The following CMSS1 variants were observed in gnomAD, a reference collection of about 807,000 sequenced individuals.
The protein encoded by CMSS1 is cms1 ribosomal small subunit homolog.
A neutral mutation model predicts 43.5 loss-of-function variants in CMSS1; 33 were observed. The observed-to-expected ratio is 0.76, with a 90% CI of 0.57 to 1.01. CMSS1 has a LOEUF of 1.01. Among genes scored for constraint, CMSS1 ranks in the 50% least tolerant of loss-of-function variants. The probability of loss-of-function intolerance (pLI) is 0.00; values close to 1 mark genes in which losing one functional copy is unlikely to be tolerated. For missense variants in CMSS1, 313 were observed against 326.4 expected (o/e 0.96, Z 0.32); for synonymous variants, 115 against 117.2 (o/e 0.98, Z 0.12).
chr3:100,000,196 T>C (rs187072617), intron 1 of CMSS1, among the ~76,000 whole-genome samples: 121 of 152,328 alleles, frequency 7.9e-4, no homozygotes, highest in Non-Finnish European at 3.1e-4. Flanking sequence ...CTTCTGATCC[T>C]TCAGGTCTCT....
At chr3:100,029,070 G>A (rs1300299665) in intron 1 of CMSS1, among the ~76,000 whole-genome samples, 2 of 152,012 alleles carry the variant, frequency 1.3e-5, no homozygotes, top group African/African-American at 4.8e-5. Flanking sequence ...CATGCCTATT[G>A]TCCCAAGCTA....
chr3:99,990,090 A>G (rs1709468256), intron 1 of CMSS1, among the ~76,000 whole-genome samples: 1 of 152,196 alleles, frequency 6.6e-6, no homozygotes, highest in Non-Finnish European at 1.5e-5. Flanking sequence ...TGTTTGAGAA[A>G]GAGAAATATA....
intron 1 of CMSS1, among the ~76,000 whole-genome samples, chr3:100,111,898 G>A (rs2066497183): frequency 6.6e-6 from 1 of 152,142 alleles, no homozygotes; most frequent in African/African-American, 2.4e-5. Context: ...CCATATCTAT[G>A]TTGAACAACA....
intron 6 of CMSS1, 103 bp from the exon 7 acceptor site, chr3:100,171,734 CGT>C: frequency 1.1e-6 from 1 of 877,436 alleles, no homozygotes; most frequent in East Asian, 2.5e-5. Context: ...TATATACACA[CGT>C]ATGCACACAT....
intron 1 of CMSS1, among the ~76,000 whole-genome samples, chr3:99,855,648 A>C (rs1943925255): frequency 6.6e-6 from 1 of 152,244 alleles, no homozygotes; most frequent in South Asian, 2.1e-4. Flanking sequence ...GAACACTCTG[A>C]ATGGAGAACT....
intron 1 of CMSS1, among the ~76,000 whole-genome samples, chr3:99,906,992 T>G (rs570741245): frequency 3.2e-4 from 49 of 152,336 alleles, no homozygotes; most frequent in African/African-American, 1.2e-3. Flanking sequence ...AATATTTAAG[T>G]TTATTTAAAT....
intron 1 of CMSS1, among the ~76,000 whole-genome samples, chr3:99,947,668 C>A (rs1368313947): frequency 1.3e-5 from 2 of 152,194 alleles, no homozygotes; most frequent in Non-Finnish European, 2.9e-5. Flanking sequence ...ATTATTCTAC[C>A]TCCCCTCTAA....
chr3:99,917,785 C>T (rs774166966), intron 1 of CMSS1, among the ~76,000 whole-genome samples: 5 of 152,120 alleles, frequency 3.3e-5, no homozygotes, highest in Non-Finnish European at 7.4e-5. Flanking sequence ...AATGGATGTA[C>T]AGATTTGGAT....
intron 8 of CMSS1, among the ~76,000 whole-genome samples, chr3:100,175,867 C>T (rs2067143931): frequency 6.6e-6 from 1 of 152,192 alleles, no homozygotes. Flanking sequence ...CTATTCATCT[C>T]AACTTCCTTT....
At chr3:99,904,357 A>G (rs1490943464) in intron 1 of CMSS1, among the ~76,000 whole-genome samples, 1 of 152,126 alleles carries the variant, frequency 6.6e-6, no homozygotes, top group Non-Finnish European at 1.5e-5. Flanking sequence ...ATTTGTAACC[A>G]TTTTCAGTAG....
At position 100,067,441 on chromosome 3, in the gene CMSS1, C is replaced by A. The variant is rs569165358; in HGVS notation, c.65-79532C>A. On this transcript the variant is annotated intron_variant, in intron 1 of 9. Transcript: ENST00000421999. ...TTTGGAATGTCTGTTGAATCCCTGG[C>A]TCCAATTATTCCCATTCCTCCATTA... Among the ~76,000 whole-genome samples, 7 of 152,270 alleles carry A rather than the reference C, an allele frequency of 4.6e-5. No homozygotes were observed. The South Asian group carries it at 1.4e-3, about 32-fold the overall frequency.
At chr3:99,869,450 A>C (rs990338522) in intron 1 of CMSS1, among the ~76,000 whole-genome samples, 4 of 152,228 alleles carry the variant, frequency 2.6e-5, no homozygotes, top group Non-Finnish European at 5.9e-5. Flanking sequence ...TGAGTGTTTG[A>C]AAAGTAGATA....
intron 1 of CMSS1, chr3:99,849,148 G>A: frequency 6.2e-7 from 1 of 1,614,172 alleles, no homozygotes; most frequent in Non-Finnish European, 8.5e-7. Context: ...GGACAGCACA[G>A]ATCCCTCATC....
chr3:99,890,857 A>G (rs987931758), intron 1 of CMSS1, among the ~76,000 whole-genome samples: 3 of 151,674 alleles, frequency 2.0e-5, no homozygotes, highest in Admixed American at 6.6e-5. Context: ...TATTTTCTGT[A>G]TGCTTTCAGA....
intron 1 of CMSS1, among the ~76,000 whole-genome samples, chr3:99,932,620 T>C (rs1707519096): frequency 6.6e-6 from 1 of 152,186 alleles, no homozygotes; most frequent in South Asian, 2.1e-4. Context: ...CCAGGCACAA[T>C]GGCTCACACC....
intron 1 of CMSS1, among the ~76,000 whole-genome samples, chr3:99,911,564 C>T (rs1339420127): frequency 6.6e-6 from 1 of 152,012 alleles, no homozygotes; most frequent in Non-Finnish European, 1.5e-5. Context: ...TACTCATCCT[C>T]ACCCGAGGCT....
chr3:100,133,049 T>C (rs907743489), intron 1 of CMSS1, among the ~76,000 whole-genome samples: 3 of 152,074 alleles, frequency 2.0e-5, no homozygotes, highest in African/African-American at 7.2e-5. Context: ...TTTAAAAACA[T>C]GTATACCTTT....
chr3:100,097,381 T>G (rs2066228625), intron 1 of CMSS1, among the ~76,000 whole-genome samples: 1 of 152,236 alleles, frequency 6.6e-6, no homozygotes, highest in Non-Finnish European at 1.5e-5. Context: ...ATGGATTATA[T>G]GCAAATACTG....
chr3:99,975,933 G>T (rs1413525696), intron 1 of CMSS1, among the ~76,000 whole-genome samples: 1 of 152,198 alleles, frequency 6.6e-6, no homozygotes, highest in Non-Finnish European at 1.5e-5. Flanking sequence ...TGTCCAGGCT[G>T]GAGTGCAGTG....
Sources: gnomAD v4.1 joint callset for allele counts (sites outside exome capture counted in the v4.1 genomes callset) on GRCh38, gnomAD v4.1.1 for gene constraint, MANE v1.5 for transcripts, NCBI Gene and HGNC (gene_info 2026-07-23, HGNC 2026-07-21) for gene names.